PLEKHA7: variants seen among roughly 807,000 people sequenced by gnomAD.
PLEKHA7 encodes pleckstrin homology domain containing A7, also known as pleckstrin homology domain-containing family A member 7.
In PLEKHA7, 104 loss-of-function variants were observed where a neutral mutation model predicts 170.0. The ratio of observed to expected loss-of-function variants is 0.61; its 90% CI spans 0.52 to 0.72. The LOEUF is 0.72. PLEKHA7 is among the 30% of genes least tolerant of loss of function. The probability of loss-of-function intolerance (pLI) is 0.00; values close to 1 mark genes in which losing one functional copy is unlikely to be tolerated. For synonymous variants in PLEKHA7, 648 were observed against 660.8 expected, an observed-to-expected ratio of 0.98 and a Z score of 0.30; for missense variants, 1,615 against 1,671.7, an observed-to-expected ratio of 0.97 and a Z score of 0.59.
chr11:16,941,150 C>A (rs1194037645), intron 3 of PLEKHA7, among the ~76,000 whole-genome samples: 2 of 152,168 alleles, frequency 1.3e-5, no homozygotes, highest in Non-Finnish European at 2.9e-5. Context: ...TGAGGTCACT[C>A]TTTGCTCTTC....
At chr11:16,808,446 C>T (rs938737457) in intron 13 of PLEKHA7, among the ~76,000 whole-genome samples, 1 of 152,194 alleles carries the variant, frequency 6.6e-6, no homozygotes, top group African/African-American at 2.4e-5. Flanking sequence ...CAGGTCTGTG[C>T]TTTTATCAAG....
chr11:17,007,325 A>G (rs1565202741), intron 3 of PLEKHA7, among the ~76,000 whole-genome samples: 1 of 152,024 alleles, frequency 6.6e-6, no homozygotes, highest in Non-Finnish European at 1.5e-5. Context: ...AAATAGAAAA[A>G]AAAATTTTTT....
At chr11:16,806,217 G>A (rs1848973779) in intron 13 of PLEKHA7, among the ~76,000 whole-genome samples, 1 of 152,222 alleles carries the variant, frequency 6.6e-6, no homozygotes, top group African/African-American at 2.4e-5. Flanking sequence ...TAGAGCATGG[G>A]CTTGATGAGA....
At chr11:16,825,372 C>G (rs2134928512) in intron 10 of PLEKHA7, among the ~76,000 whole-genome samples, 1 of 152,346 alleles carries the variant, frequency 6.6e-6, no homozygotes, top group Non-Finnish European at 1.5e-5. Flanking sequence ...CTGGGGAGCT[C>G]TCTGAATGCA....
At chr11:16,800,162 T>C (rs1193578922) in intron 17 of PLEKHA7, among the ~76,000 whole-genome samples, 2 of 152,188 alleles carry the variant, frequency 1.3e-5, no homozygotes, top group African/African-American at 4.8e-5. Flanking sequence ...ACACTTATTA[T>C]GTCAGGGCCC....
At chr11:16,784,431 GA>G (rs1453896083) in intron 24 of PLEKHA7, among the ~76,000 whole-genome samples, 1 of 152,198 alleles carries the variant, frequency 6.6e-6, no homozygotes, top group African/African-American at 2.4e-5. Context: ...ACAGGTGGGT[GA>G]ATGAAAGGAT....
chr11:16,930,012 T>A (rs1036992730), intron 3 of PLEKHA7, among the ~76,000 whole-genome samples: 28 of 150,416 alleles, frequency 1.9e-4, no homozygotes, highest in Admixed American at 1.1e-3. Context: ...CAAAAAAAAA[T>A]AAAAATAAAA....
At chr11:16,864,361 A>C (rs929708912) in intron 4 of PLEKHA7, among the ~76,000 whole-genome samples, 1 of 152,162 alleles carries the variant, frequency 6.6e-6, no homozygotes. Context: ...AATAATAATA[A>C]TACTAGCAAT....
chr11:16,909,870 T>C (rs1384531973), intron 3 of PLEKHA7, among the ~76,000 whole-genome samples: 6 of 152,112 alleles, frequency 3.9e-5, no homozygotes, highest in African/African-American at 4.8e-5. Context: ...TTATAATAGA[T>C]CTGACAGCCC....
chr11:16,794,354 G>C (rs973275516), intron 19 of PLEKHA7, 134 bp downstream of exon 19: 1 of 826,374 alleles, frequency 1.2e-6, no homozygotes, highest in African/African-American at 1.7e-5. Context: ...TTAACTGCTT[G>C]TGACTAAGGA....
intron 16 of PLEKHA7, 147 bp downstream of exon 16, chr11:16,801,521 T>C (rs2134390868): frequency 4.0e-6 from 4 of 987,778 alleles, no homozygotes; most frequent in Non-Finnish European, 6.0e-6. Flanking sequence ...TTATCTACTG[T>C]CAGGTGGCAG....
chr11:16,844,881 A>T (rs1338394861), intron 8 of PLEKHA7, among the ~76,000 whole-genome samples: 1 of 152,260 alleles, frequency 6.6e-6, no homozygotes, highest in Non-Finnish European at 1.5e-5. Flanking sequence ...CTTGCTCAAC[A>T]ATAATGAATC....
At chr11:16,977,182 T>C (rs963717234) in intron 3 of PLEKHA7, among the ~76,000 whole-genome samples, 1 of 152,174 alleles carries the variant, frequency 6.6e-6, no homozygotes, top group Non-Finnish European at 1.5e-5. Context: ...CTTCAAACTG[T>C]TTCCCACCAT....
chr11:16,956,944 A>C (rs1226833659), intron 3 of PLEKHA7, among the ~76,000 whole-genome samples: 2 of 152,232 alleles, frequency 1.3e-5, no homozygotes, highest in Non-Finnish European at 2.9e-5. Context: ...GATGATCCCA[A>C]GGAAAGTGGT....
At chr11:16,987,593 G>A (rs189393132) in intron 3 of PLEKHA7, among the ~76,000 whole-genome samples, 1 of 152,092 alleles carries the variant, frequency 6.6e-6, no homozygotes, top group Non-Finnish European at 1.5e-5. Context: ...CTTCATTTGA[G>A]AAATGAAGGG....
In PLEKHA7 at chr11:16,803,247, T is replaced by C. The variant is rs755542035; in HGVS notation, c.2056A>G (p.Ile686Val). The change falls in exon 14 of 27, where the codon ATC (isoleucine) becomes GTC (valine). Residue 686 changes from isoleucine to valine, a missense_variant. Physicochemically the swap from Ile to Val is conservative, Grantham distance 29. Transcript: ENST00000531066. ...LKDRSLKPVK[I>V]AESDTDVKLS... ...CTCACGTCAGTGTCGCTCTCAGCGA[T>C]CTTCACAGGCTTCAGACTTCGATCC... The C allele has an allele frequency of 6.2e-7, 1 of 1,614,114 alleles. No homozygotes were observed. The highest frequency in any genetic ancestry group is 8.5e-7 in the Non-Finnish European group (1 of 1,179,948).
chr11:16,958,091 G>A (rs1861821057), intron 3 of PLEKHA7, among the ~76,000 whole-genome samples: 1 of 152,066 alleles, frequency 6.6e-6, no homozygotes, highest in Non-Finnish European at 1.5e-5. Context: ...CAAGGTGGGA[G>A]GACTGCTTGA....
chr11:16,978,488 A>G lies in PLEKHA7; in HGVS notation c.221+35501T>C, dbSNP rs576849410. On this transcript the variant is annotated intron_variant, in intron 3 of 26. Transcript: ENST00000531066. ...CTTTAGAATCACAGAGAATAATGGC[A>G]AAGTGGTAGCAGGCTAGATGCTGCA... is the stretch of plus-strand genomic sequence containing the variant. Among the ~76,000 whole-genome samples, 8 of 152,364 alleles carry G rather than the reference A, an allele frequency of 5.3e-5. No homozygotes were observed. In the South Asian group the frequency reaches 1.7e-3, roughly 32 times the overall value.
intron 3 of PLEKHA7, among the ~76,000 whole-genome samples, chr11:16,981,415 T>G (rs766648694): frequency 1.2e-4 from 18 of 152,162 alleles, no homozygotes; most frequent in Non-Finnish European, 2.4e-4. Flanking sequence ...TCAGAGCCAG[T>G]GTTCCTGACC....
Sources: allele counts gnomAD v4.1 joint callset (sites outside exome capture counted in the v4.1 genomes callset), GRCh38; gene constraint gnomAD v4.1.1; transcripts MANE v1.5; gene names NCBI Gene and HGNC (gene_info 2026-07-23, HGNC 2026-07-21).